The following CASTOR1 variants were observed in gnomAD, a reference collection of about 807,000 sequenced individuals.
CASTOR1 encodes the protein GATS protein like 3.
A neutral mutation model predicts 33.7 loss-of-function variants in CASTOR1; 18 were observed. That is an observed-to-expected ratio of 0.53 (90% CI 0.37 to 0.79). CASTOR1 has a LOEUF of 0.79. CASTOR1 is among the 30% of genes least tolerant of loss of function. The pLI is 0.00. For missense variants in CASTOR1, 362 were observed against 446.3 expected, an observed-to-expected ratio of 0.81 and a Z score of 1.70; for synonymous variants, 175 against 190.6, an observed-to-expected ratio of 0.92 and a Z score of 0.67.
At chr22:30,289,087 G>T (rs5997602) in intron 1 of CASTOR1, 287,256 of 554,094 alleles carry the variant, frequency 0.52, 78,345 homozygotes, top group South Asian at 0.76. Flanking sequence ...TGACATGAAG[G>T]GAGGCGTCCT....
chr22:30,288,585 C>A, intron 2 of CASTOR1, 121 bp downstream of exon 2: 1 of 790,280 alleles, frequency 1.3e-6, no homozygotes, highest in Non-Finnish European at 2.1e-6. Flanking sequence ...GATTCGAACC[C>A]CGACCCATCT....
chr22:30,288,431 C>T (rs917867326), intron 2 of CASTOR1, among the ~76,000 whole-genome samples: 7 of 152,154 alleles, frequency 4.6e-5, no homozygotes, highest in Non-Finnish European at 2.9e-5. Context: ...CTGCTGAGTG[C>T]CCCTCAGCGG....
chr22:30,286,237 C>A, intron 6 of CASTOR1, 26 bp downstream of exon 6: 1 of 1,562,574 alleles, frequency 6.4e-7, no homozygotes, highest in Non-Finnish European at 8.8e-7. Flanking sequence ...GGGCCTGGGG[C>A]CCACCCGGGG....
chr22:30,286,178 C>T, intron 6 of CASTOR1, 80 bp from the exon 7 acceptor site: 2 of 1,435,072 alleles, frequency 1.4e-6, no homozygotes, highest in Non-Finnish European at 1.9e-6. Flanking sequence ...GGTACACCTG[C>T]TGACCTCAGA....
At chr22:30,288,905 A>G in intron 1 of CASTOR1, 129 bp from the exon 2 acceptor site, 2 of 655,178 alleles carry the variant, frequency 3.1e-6, no homozygotes, top group South Asian at 2.2e-5. Flanking sequence ...CTCGGCCTTT[A>G]ATTTCCAGGC....
At position 30,286,925 on chromosome 22, in the gene CASTOR1, TGGGATGCACCGTGGGGCTG is replaced by T. The variant is rs1387718112; in HGVS notation, c.510_528del (p.Pro172ArgfsTer25). 3 of 1,613,656 alleles carry T rather than the reference TGGGATGCACCGTGGGGCTG, an allele frequency of 1.9e-6. No individual in the cohort carries two copies. Among genetic ancestry groups the T allele is most frequent in the Non-Finnish European group, 1.7e-6 (2 of 1,179,794 alleles). ...CAGAAGCGGTTCTGTGGGCTCTGGA[TGGGATGCACCGTGGGGCTG>T]GGCCCTGCTGGAGGACAGCAGCAGG... On this transcript the variant is annotated frameshift_variant, in exon 5 of 9. Transcript: ENST00000407689. LOFTEE classifies it high-confidence loss of function.
Position 30,286,245 on chromosome 22 carries a change from G to C in CASTOR1, c.743+18C>G, listed in dbSNP as rs755070256. The C allele has an allele frequency of 1.0e-5, 16 of 1,586,240 alleles. No homozygotes were observed. The highest frequency in any genetic ancestry group is 8.4e-5 in the Admixed American group (5 of 59,464). On this transcript the variant is annotated intron_variant, in intron 6 of 8. Transcript: ENST00000407689. The stretch of plus-strand genomic sequence containing the variant: ...CTGGCTGGGGCCTGGGGCCCACCCG[G>C]GGTCAGGGGTCACCTACTTTTTCTG...
In CASTOR1 at chr22:30,287,445, C is replaced by T. The variant is rs752526947; in HGVS notation, c.300G>A (p.Ser100=). ...GGTGCTCGGCCAGTGGCGCGATGAC[C>T]GAACGGGCGATCTTGGTGACCCCAG... is the stretch of plus-strand genomic sequence containing the variant. ...QAAGVTKIAR[S]VIAPLAEHHV... The change falls in exon 3 of 9, where the codon TCG becomes TCA. Residue 100 remains serine, a synonymous_variant. Transcript: ENST00000407689. 5.0e-6 allele frequency: 8 copies of T among 1,613,274 alleles called. No individual in the cohort carries two copies. The highest frequency in any genetic ancestry group is 3.3e-5 in the South Asian group (3 of 91,086).
Position 30,285,562 on chromosome 22 carries a change from G to C in CASTOR1, c.*58C>G. 7.5e-7 allele frequency: 1 copy of C among 1,337,956 alleles called. No individual in the cohort carries two copies. Among genetic ancestry groups the C allele is most frequent in the Non-Finnish European group, 1.0e-6 (1 of 960,414 alleles). The allele number at this position is 1,337,956 out of a possible 1,614,324, so 82.9% of individuals were successfully genotyped here. Reference sequence around the variant, plus strand: ...GAGCTTAAGGAAATAGCTTAGAGAAGTCTTTGGAAGCCTGGGTCGAGGGGA... The same window carrying C: ...GAGCTTAAGGAAATAGCTTAGAGAACTCTTTGGAAGCCTGGGTCGAGGGGA... On this transcript the variant is annotated 3_prime_UTR_variant, in exon 9 of 9. Transcript: ENST00000407689.
At chr22:30,286,483 G>A (rs1376207087) in intron 5 of CASTOR1, 107 bp from the exon 6 acceptor site, 2 of 798,100 alleles carry the variant, frequency 2.5e-6, no homozygotes, top group Non-Finnish European at 4.2e-6. Context: ...GGTGGCCTGG[G>A]CAGGCTCTGC....
chr22:30,285,335 G>A lies in CASTOR1; in HGVS notation c.*285C>T, dbSNP rs530548093. ...CTCAGGCAGGGACTGTGCAAACGCC[G>A]AGGCTGCGCAGGGAGTGATGGGTTG... is the stretch of plus-strand genomic sequence containing the variant. On this transcript the variant is annotated 3_prime_UTR_variant, in exon 9 of 9. Transcript: ENST00000407689. 1.0e-3 allele frequency: 354 copies of A among 345,408 alleles called. 1 individual carries two copies. Among genetic ancestry groups the A allele is most frequent in the Non-Finnish European group, 1.6e-3 (300 of 188,556 alleles). The allele number at this position is 345,408 out of a possible 1,614,324, so 21.4% of individuals were successfully genotyped here.
In CASTOR1 at chr22:30,287,100, C is replaced by A. The variant is rs1413467429; in HGVS notation, c.505+55G>T. 1.3e-5 allele frequency: 20 copies of A among 1,566,436 alleles called. No homozygotes were observed. In the East Asian group the frequency reaches 4.5e-4, roughly 35 times the overall value. On this transcript the variant is annotated intron_variant, in intron 4 of 8. Transcript: ENST00000407689. ...CCACTGGGGCCCAAAAGGGAAGGGA[C>A]CCAGTGGGAAGAGGAGGCCCTGCCC...
intron 8 of CASTOR1, 35 bp from the exon 9 acceptor site, chr22:30,285,723 C>T (rs371824541): frequency 3.2e-5 from 49 of 1,542,212 alleles, no homozygotes; most frequent in Non-Finnish European, 4.0e-5. Context: ...AGGGTCAAGG[C>T]GGAAGCTGGC....
At position 30,289,464 on chromosome 22, in the gene CASTOR1, C is replaced by A; in HGVS notation, c.34G>T (p.Val12Leu). The change falls in exon 1 of 9, where the codon GTG becomes TTG. Residue 12 changes from valine (V) to leucine (L), a missense_variant. Transcript: ENST00000407689. ...AGACCGGGACGGGCGACGCTCAGCACCCGCACCCGGTGTTCTAGGATGTGC... is the reference window on the plus strand; with the variant it reads ...AGACCGGGACGGGCGACGCTCAGCAACCGCACCCGGTGTTCTAGGATGTGC... The part of the protein sequence containing the change: ...ELHILEHRVR[V>L]LSVARPGLWL... 6.3e-7 allele frequency: 1 copy of A among 1,598,598 alleles called. No homozygotes were observed. The highest frequency in any genetic ancestry group is 8.5e-7 in the Non-Finnish European group (1 of 1,176,476).
rs761692688 is a variant in CASTOR1 at position 30,288,660 on chromosome 22, CACG to C, written c.184+43_184+45del. 1.0e-5 allele frequency: 15 copies of C among 1,492,756 alleles called. No individual in the cohort carries two copies. The Middle Eastern group carries it at 1.0e-3, about 103-fold the overall frequency. The allele number at this position is 1,492,756 out of a possible 1,614,324, so 92.5% of individuals were successfully genotyped here. A position where few individuals can be genotyped will look rare whatever the true frequency, so the allele number is the denominator to read the frequency against. ...TGGTGAGAACCCTACAGAAGGGGAGCACGACAAGCCCCTCCCGTACTCCCGTTC... is the reference window on the plus strand; with the variant it reads ...TGGTGAGAACCCTACAGAAGGGGAGCACAAGCCCCTCCCGTACTCCCGTTC... On this transcript the variant is annotated intron_variant, in intron 2 of 8. Coordinates refer to ENST00000407689, the MANE Select transcript of CASTOR1 (RefSeq NM_001037666.3).
Position 30,285,299 on chromosome 22 carries a change from A to C in CASTOR1, c.*321T>G. The C allele has an allele frequency of 5.8e-5, 13 of 224,872 alleles. No individual in the cohort carries two copies. Among genetic ancestry groups the C allele is most frequent in the Non-Finnish European group, 8.7e-5 (10 of 114,830 alleles). 13.9% of individuals were successfully genotyped at this position (224,872 alleles called of 1,614,324 possible). On this transcript the variant is annotated 3_prime_UTR_variant, in exon 9 of 9. Transcript: ENST00000407689. ...AGCTGGCCCAGGAAGCCTTTGGGGA[A>C]TGGCTCAGGCCTCAGGCAGGGACTG...
intron 5 of CASTOR1, 66 bp downstream of exon 5, chr22:30,286,759 G>A (rs768043474): frequency 2.0e-5 from 32 of 1,602,848 alleles, no homozygotes; most frequent in Admixed American, 6.7e-5. Flanking sequence ...ATAGATGGGC[G>A]GAAAGTGGTG....
chr22:30,287,668 C>A (rs1342375029), intron 2 of CASTOR1, 108 bp from the exon 3 acceptor site: 10 of 1,112,160 alleles, frequency 9.0e-6, no homozygotes, highest in South Asian at 1.5e-5. Flanking sequence ...AAGGTAAGGG[C>A]AGGTCTGGAG....
Position 30,285,275 on chromosome 22 carries a change from G to C in CASTOR1, c.*345C>G. Reference sequence around the variant, plus strand: ...AGGCAGAACGGAGGTCAGCGGGGCAGCTGGCCCAGGAAGCCTTTGGGGAAT... The same window carrying C: ...AGGCAGAACGGAGGTCAGCGGGGCACCTGGCCCAGGAAGCCTTTGGGGAAT... On this transcript the variant is annotated 3_prime_UTR_variant, in exon 9 of 9. Transcript: ENST00000407689. 4.7e-6 allele frequency: 1 copy of C among 211,988 alleles called. No individual in the cohort carries two copies. The highest frequency in any genetic ancestry group is 9.4e-6 in the Non-Finnish European group (1 of 106,942). 13.1% of individuals were successfully genotyped at this position (211,988 alleles called of 1,614,324 possible). A position where few individuals can be genotyped will look rare whatever the true frequency, so the allele number is the denominator to read the frequency against.
Sources: gnomAD v4.1 joint callset for allele counts (sites outside exome capture counted in the v4.1 genomes callset) on GRCh38, gnomAD v4.1.1 for gene constraint, MANE v1.5 for transcripts, NCBI Gene and HGNC (gene_info 2026-07-23, HGNC 2026-07-21) for gene names.